Variants in TSHZ1 observed in about 807,000 individuals in gnomAD.
TSHZ1 encodes teashirt zinc finger homeobox 1, also known as teashirt homolog 1.
Under a neutral mutation model 67.1 loss-of-function variants are expected in TSHZ1, and 12 were observed. That is an observed-to-expected ratio of 0.18 (90% confidence interval 0.11 to 0.29). The LOEUF (loss-of-function observed/expected upper bound fraction) is 0.29. Among genes scored for constraint, TSHZ1 ranks in the 10% least tolerant of loss-of-function variants. The pLI, the probability that TSHZ1 is intolerant of heterozygous loss-of-function variation, is 1.00. For missense variants in TSHZ1, 1,305 were observed against 1,413.9 expected (o/e 0.92, Z 1.23); for synonymous variants, 632 against 622.4 (o/e 1.02, Z -0.23).
intron 1 of TSHZ1, among the ~76,000 whole-genome samples, chr18:75,277,091 G>T (rs1478119749): frequency 6.6e-6 from 1 of 152,190 alleles, no homozygotes; most frequent in Non-Finnish European, 1.5e-5. Context: ...CATCAGCAAA[G>T]CCTCTGAAAG....
intron 1 of TSHZ1, among the ~76,000 whole-genome samples, chr18:75,222,192 G>A (rs1221745082): frequency 2.0e-5 from 3 of 151,560 alleles, no homozygotes; most frequent in Non-Finnish European, 4.4e-5. Context: ...CTACCTTGCA[G>A]CGTTTTATTT....
chr18:75,284,074 A>G (rs1354164348), intron 1 of TSHZ1: 1 of 152,688 alleles, frequency 6.5e-6, no homozygotes, highest in East Asian at 1.9e-4. Context: ...ACTGTAGTCC[A>G]GCTAGTTGTT....
intron 1 of TSHZ1, among the ~76,000 whole-genome samples, chr18:75,238,966 G>A (rs964944990): frequency 1.3e-5 from 2 of 152,236 alleles, no homozygotes; most frequent in Non-Finnish European, 2.9e-5. Context: ...CTGGCCTCAC[G>A]CACTGTCCAG....
chr18:75,224,896 G>A (rs1426419247), intron 1 of TSHZ1, among the ~76,000 whole-genome samples: 2 of 151,948 alleles, frequency 1.3e-5, no homozygotes, highest in Non-Finnish European at 2.9e-5. Flanking sequence ...AATTCCTAAC[G>A]CGTGCTATTC....
intron 1 of TSHZ1, among the ~76,000 whole-genome samples, chr18:75,219,481 T>C (rs1384343707): frequency 2.6e-5 from 4 of 152,264 alleles, no homozygotes; most frequent in African/African-American, 7.2e-5. Context: ...GTCCTTGAGA[T>C]ACACTAAGCA....
chr18:75,276,046 A>G (rs909626475), intron 1 of TSHZ1, among the ~76,000 whole-genome samples: 3 of 152,200 alleles, frequency 2.0e-5, no homozygotes, highest in Admixed American at 6.5e-5. Flanking sequence ...TGTTAAGTAC[A>G]TTGTTGACAA....
intron 1 of TSHZ1, among the ~76,000 whole-genome samples, chr18:75,251,323 A>G (rs1329157979): frequency 6.6e-6 from 1 of 152,074 alleles, no homozygotes; most frequent in Non-Finnish European, 1.5e-5. Context: ...GAACATTCTT[A>G]TCTGAATTCT....
intron 1 of TSHZ1, among the ~76,000 whole-genome samples, chr18:75,254,494 A>G (rs1044311984): frequency 6.6e-6 from 1 of 152,242 alleles, no homozygotes; most frequent in Admixed American, 6.5e-5. Context: ...CTCATAGACA[A>G]TATCTCCAGG....
intron 1 of TSHZ1, among the ~76,000 whole-genome samples, chr18:75,222,992 G>C (rs10164148): frequency 0.2 from 30,676 of 152,114 alleles, 3,168 homozygotes; most frequent in East Asian, 0.26. Context: ...GGATCCTTCC[G>C]TTCATTTGTT....
chr18:75,282,214 C>T (rs2023696058), intron 1 of TSHZ1, among the ~76,000 whole-genome samples: 1 of 152,164 alleles, frequency 6.6e-6, no homozygotes, highest in Non-Finnish European at 1.5e-5. Context: ...GGAGCGTGGT[C>T]TGGACAACGC....
Position 75,288,057 on chromosome 18 carries a change from A to C in TSHZ1, c.2650A>C (p.Lys884Gln). The C allele has an allele frequency of 6.2e-7, 1 of 1,613,900 alleles. No individual in the cohort carries two copies. Residue 884 changes from lysine to glutamine, a missense_variant, in exon 2 of 2, where the codon AAG (lysine) becomes CAG (glutamine). Transcript: ENST00000580243. This position sits in a 1 kb window ranked among gnomAD's most constrained non-coding sequence, Gnocchi z 4.9. ...GTTGGACGAGCTGTCACCGGTCCAC[A>C]AGAGGAAGGGCCGGCAGTCCAACTG... ...EALDELSPVH[K>Q]RKGRQSNWNP...
chr18:75,288,085 A>G lies in TSHZ1; in HGVS notation c.2678A>G (p.Asn893Ser). ...HKRKGRQSNW[N>S]PQHLLILQAQ... is the part of the protein sequence containing the mutation. ...AGGAAGGGCCGGCAGTCCAACTGGAACCCGCAGCACCTTCTCATCCTGCAG... is the reference window on the plus strand; with the variant it reads ...AGGAAGGGCCGGCAGTCCAACTGGAGCCCGCAGCACCTTCTCATCCTGCAG... The change falls in exon 2 of 2, where the codon AAC (asparagine) becomes AGC (serine). Residue 893 changes from asparagine (N) to serine (S), a missense_variant. Coordinates refer to ENST00000580243, the MANE Select transcript of TSHZ1 (RefSeq NM_001308210.2). The surrounding 1 kb of genome is among the most constrained non-coding windows in gnomAD (Gnocchi z 4.9). The G allele has an allele frequency of 6.2e-7, 1 of 1,613,518 alleles. No homozygotes were observed. The highest frequency in any genetic ancestry group is 8.5e-7 in the Non-Finnish European group (1 of 1,179,976).
At chr18:75,280,595 T>C (rs1448120168) in intron 1 of TSHZ1, among the ~76,000 whole-genome samples, 1 of 152,224 alleles carries the variant, frequency 6.6e-6, no homozygotes. Flanking sequence ...TCAAATCATG[T>C]TTCCATCATT....
At chr18:75,252,139 A>G (rs2023312580) in intron 1 of TSHZ1, among the ~76,000 whole-genome samples, 1 of 152,188 alleles carries the variant, frequency 6.6e-6, no homozygotes, top group Non-Finnish European at 1.5e-5. Flanking sequence ...CAGTGCATGT[A>G]TAGTATCCCA....
At position 75,287,121 on chromosome 18, in the gene TSHZ1, T is replaced by C; in HGVS notation, c.1714T>C (p.Ser572Pro). The part of the protein sequence containing the change: ...AISKAQNGAP[S>P]WGGYPSIHAA... ...TAGCAAAGCTCAGAATGGTGCGCCC[T>C]CATGGGGTGGCTACCCCAGCATCCA... The change falls in exon 2 of 2, where the codon TCA (serine) becomes CCA (proline). Residue 572 changes from serine to proline, a missense_variant. Around this residue, in one of 3 missense-constraint regions of TSHZ1, gnomAD observed 909 missense variants for 961.8 expected, o/e 0.95. Transcript: ENST00000580243. The surrounding 1 kb of genome is among the most constrained non-coding windows in gnomAD (Gnocchi z 5.0). 6.2e-7 allele frequency: 1 copy of C among 1,614,026 alleles called. No homozygotes were observed. Among genetic ancestry groups the C allele is most frequent in the Non-Finnish European group, 8.5e-7 (1 of 1,179,988 alleles).
intron 1 of TSHZ1, among the ~76,000 whole-genome samples, chr18:75,263,535 C>A (rs1213183416): frequency 6.6e-6 from 1 of 152,132 alleles, no homozygotes; most frequent in Non-Finnish European, 1.5e-5. Context: ...ATGTACTTAT[C>A]AGTTAAGGAA....
At chr18:75,223,576 G>T (rs558618424) in intron 1 of TSHZ1, among the ~76,000 whole-genome samples, 1 of 151,632 alleles carries the variant, frequency 6.6e-6, no homozygotes, top group Non-Finnish European at 1.5e-5. Context: ...CCCTGGAATC[G>T]AATATACATA....
chr18:75,279,940 T>C (rs1354985046), intron 1 of TSHZ1, among the ~76,000 whole-genome samples: 2 of 152,236 alleles, frequency 1.3e-5, no homozygotes, highest in South Asian at 2.1e-4. Flanking sequence ...ACTGAAAATA[T>C]TGAAGATTTC....
At chr18:75,234,430 A>T (rs976275013) in intron 1 of TSHZ1, among the ~76,000 whole-genome samples, 1 of 152,154 alleles carries the variant, frequency 6.6e-6, no homozygotes, top group African/African-American at 2.4e-5. Flanking sequence ...GCACAGTTTT[A>T]AAAGTTATAA....
Sources: gnomAD v4.1 joint callset for allele counts (sites outside exome capture counted in the v4.1 genomes callset) on GRCh38, gnomAD v4.1.1 for gene constraint, gnomAD v4.1.1 regional missense constraint, Gnocchi (gnomAD v3.1) non-coding constraint, MANE v1.5 for transcripts, NCBI Gene and HGNC (gene_info 2026-07-23, HGNC 2026-07-21) for gene names.